The following ACLY variants were observed in gnomAD, a reference collection of about 807,000 sequenced individuals.
ACLY encodes ATP-citrate synthase.
In ACLY, 41 loss-of-function variants were observed where a neutral mutation model predicts 133.0. The observed-to-expected ratio is 0.31, with a 90% CI of 0.24 to 0.40. The LOEUF (loss-of-function observed/expected upper bound fraction) is 0.40, where lower values mean the gene tolerates loss of function less well. ACLY is among the 10% of genes least tolerant of loss of function. ACLY has a pLI of 1.00. For synonymous variants in ACLY, 495 were observed against 549.3 expected, an observed-to-expected ratio of 0.90 and a Z score of 1.38; for missense variants, 1,046 against 1,453.8, an observed-to-expected ratio of 0.72 and a Z score of 4.56.
At chr17:41,882,596 ACAG>A (rs1341006378) in intron 20 of ACLY, among the ~76,000 whole-genome samples, 6 of 152,056 alleles carry the variant, frequency 3.9e-5, no homozygotes, top group Admixed American at 6.6e-5. Flanking sequence ...AGCTTAGCAG[ACAG>A]CAGAAGCCCA....
chr17:41,905,684 T>C (rs2049694104), intron 8 of ACLY, 26 bp from the exon 9 acceptor site: 2 of 1,614,106 alleles, frequency 1.2e-6, no homozygotes, highest in Non-Finnish European at 1.7e-6. Flanking sequence ...AAGTCAGTGA[T>C]GGCTCTCACA....
Position 41,906,513 on chromosome 17 carries a change from A to G in ACLY, c.866+15T>C, listed in dbSNP as rs1326809198. 1 of 1,610,340 alleles carries G rather than the reference A, an allele frequency of 6.2e-7. No homozygotes were observed. Among genetic ancestry groups the G allele is most frequent in the Non-Finnish European group, 8.5e-7 (1 of 1,177,334 alleles). The stretch of plus-strand genomic sequence containing the variant: ...AGACTGGGCTGGCATCCCTTCAGCA[A>G]CCCCCTTCGGTCACCTGTACACGAC... On this transcript the variant is annotated intron_variant, in intron 8 of 28. Transcript: ENST00000352035.
chr17:41,914,329 T>C (rs1350511401), intron 1 of ACLY, among the ~76,000 whole-genome samples: 3 of 152,190 alleles, frequency 2.0e-5, no homozygotes, highest in Non-Finnish European at 4.4e-5. Context: ...TTCTGTTCTC[T>C]GACCAGTGCA....
intron 20 of ACLY, among the ~76,000 whole-genome samples, chr17:41,881,847 C>G (rs1477856062): frequency 6.6e-6 from 1 of 152,196 alleles, no homozygotes; most frequent in East Asian, 1.9e-4. Context: ...ACCTCTCCTC[C>G]CCTTTTACTT....
chr17:41,871,402 G>A (rs1251332682), intron 25 of ACLY, among the ~76,000 whole-genome samples: 1 of 149,506 alleles, frequency 6.7e-6, no homozygotes, highest in Non-Finnish European at 1.5e-5. Flanking sequence ...GCCCAGACTG[G>A]AGTGCCATGG....
At chr17:41,914,064 T>C (rs2049982850) in intron 1 of ACLY, among the ~76,000 whole-genome samples, 168 bp from the exon 2 acceptor site, 1 of 152,184 alleles carries the variant, frequency 6.6e-6, no homozygotes, top group African/African-American at 2.4e-5. Context: ...GGAAGAGAGA[T>C]ATCAAGCAGC....
intron 14 of ACLY, among the ~76,000 whole-genome samples, chr17:41,895,633 T>G (rs547495351): frequency 1.3e-5 from 2 of 152,256 alleles, no homozygotes; most frequent in Admixed American, 6.5e-5. Context: ...ATAACCCTCC[T>G]CCCCTTCAGA....
chr17:41,922,110 G>T (rs1422319648), upstream of ACLY, among the ~76,000 whole-genome samples: 2 of 152,180 alleles, frequency 1.3e-5, no homozygotes, highest in African/African-American at 4.8e-5. Flanking sequence ...TGGGTGCAGT[G>T]GCTCACGCCT....
At chr17:41,877,935 ACT>A in intron 22 of ACLY, among the ~76,000 whole-genome samples, 166 bp downstream of exon 22, 2 of 151,654 alleles carry the variant, frequency 1.3e-5, no homozygotes, top group South Asian at 4.2e-4. Context: ...TACTTAATAA[ACT>A]CTCCTTTATA....
At chr17:41,913,676 G>T (rs377574300) in intron 2 of ACLY, 39 bp downstream of exon 2, 1 of 1,604,776 alleles carries the variant, frequency 6.2e-7, no homozygotes, top group Non-Finnish European at 8.5e-7. Context: ...CTCAGACCCC[G>T]GGCCTGGAAG....
intron 1 of ACLY, among the ~76,000 whole-genome samples, chr17:41,929,724 A>C (rs1016243854): frequency 3.3e-5 from 5 of 152,254 alleles, no homozygotes; most frequent in Non-Finnish European, 7.3e-5. Flanking sequence ...AAATAAATAC[A>C]AAAGAGATCC....
intron 1 of ACLY, among the ~76,000 whole-genome samples, chr17:41,926,271 C>T (rs1555635951): frequency 1.3e-5 from 2 of 152,210 alleles, no homozygotes; most frequent in African/African-American, 4.8e-5. Context: ...CTTTATCCTG[C>T]TAATCGAACC....
In ACLY at chr17:41,927,745, G is replaced by A. The variant is rs192277028; in HGVS notation, c.-28+2613C>T. On this transcript the variant is annotated intron_variant, in intron 1 of 3. Transcript: ENST00000592970. ...GGAGGCGGAGGCAGAAGAATCACTT[G>A]AACCTGGGAGGCAGAGGTGGCAGTG... Among the ~76,000 whole-genome samples, 236 of 151,978 alleles carry A rather than the reference G, an allele frequency of 1.6e-3. 1 individual carries two copies. The highest frequency in any genetic ancestry group is 2.6e-3 in the Non-Finnish European group (176 of 67,986).
chr17:41,901,826 A>T lies in ACLY; in HGVS notation c.1066-13T>A, dbSNP rs1555631685. ...CTCTCACGATGCCCTGGAAGCCCAA[A>T]GTGACATGTGACTAAAAACAAGGCA... On this transcript the variant is annotated splice_polypyrimidine_tract_variant and intron_variant, in intron 10 of 28. Coordinates refer to ENST00000352035, the MANE Select transcript of ACLY (RefSeq NM_001096.3). 1 of 1,546,952 alleles carries T rather than the reference A, an allele frequency of 6.5e-7. No homozygotes were observed.
At position 41,912,372 on chromosome 17, in the gene ACLY, T is replaced by C. The variant is rs782650046; in HGVS notation, c.282+48A>G. 2.4e-5 allele frequency: 38 copies of C among 1,599,798 alleles called. No individual in the cohort carries two copies. In the South Asian group the frequency reaches 3.0e-4, roughly 13 times the overall value. Reference sequence around the variant, plus strand: ...AGCTGCTGACCTGGAGGTGACCATATTTGCTTCTGTTACCACACACGTTCA... The same window carrying C: ...AGCTGCTGACCTGGAGGTGACCATACTTGCTTCTGTTACCACACACGTTCA... On this transcript the variant is annotated intron_variant, in intron 3 of 28. Transcript: ENST00000352035.
intron 8 of ACLY, among the ~76,000 whole-genome samples, chr17:41,906,123 T>C (rs1198763494): frequency 6.6e-6 from 1 of 152,182 alleles, no homozygotes; most frequent in Non-Finnish European, 1.5e-5. Flanking sequence ...GGGTGTAGAA[T>C]ATGATCCTAA....
At position 41,909,672 on chromosome 17, in the gene ACLY, G is replaced by C. The variant is rs557192131; in HGVS notation, c.374C>G (p.Ala125Gly). Residue 125 changes from alanine (A) to glycine (G), a missense_variant, in exon 5 of 29, where the codon GCC becomes GGC. Physicochemically the swap from Ala to Gly is moderately conservative, Grantham distance 60. Transcript: ENST00000352035. ...QAEEFYVCIYATREGDYVLFH... is the reference protein window; with the variant it reads ...QAEEFYVCIYGTREGDYVLFH... ...CAGGACGTAGTCCCCTTCTCGGGTGGCATAGATGCAGACATAGAACTCCTC... is the reference window on the plus strand; with the variant it reads ...CAGGACGTAGTCCCCTTCTCGGGTGCCATAGATGCAGACATAGAACTCCTC... The C allele has an allele frequency of 8.1e-6, 13 of 1,614,126 alleles. No individual in the cohort carries two copies. Among genetic ancestry groups the C allele is most frequent in the Non-Finnish European group, 1.1e-5 (13 of 1,180,000 alleles).
At chr17:41,887,559 T>A in intron 17 of ACLY, 40 bp downstream of exon 17, 1 of 1,550,340 alleles carries the variant, frequency 6.5e-7, no homozygotes, top group Non-Finnish European at 8.9e-7. Context: ...CTTCATAAGA[T>A]AGCATCGAAC....
intron 1 of ACLY, among the ~76,000 whole-genome samples, chr17:41,927,102 A>G (rs1277210042): frequency 6.6e-6 from 1 of 152,212 alleles, no homozygotes; most frequent in Non-Finnish European, 1.5e-5. Flanking sequence ...TCCCGAACTC[A>G]GGTGATCCAC....
Sources: gnomAD v4.1 joint callset for allele counts (sites outside exome capture counted in the v4.1 genomes callset) on GRCh38, gnomAD v4.1.1 for gene constraint, MANE v1.5 for transcripts, NCBI Gene and HGNC (gene_info 2026-07-23, HGNC 2026-07-21) for gene names.